Variants in TMEM132D observed in about 807,000 individuals in gnomAD.
TMEM132D encodes the protein transmembrane protein 132D, also known as mature OL transmembrane protein.
In TMEM132D, 21 loss-of-function variants were observed where a neutral mutation model predicts 62.3. The ratio of observed to expected loss-of-function variants is 0.34; its 90% CI spans 0.24 to 0.49. TMEM132D has a LOEUF of 0.49. TMEM132D is among the 20% of genes least tolerant of loss of function. The pLI, the probability that TMEM132D is intolerant of heterozygous loss-of-function variation, is 0.99. For missense variants in TMEM132D, 1,346 were observed against 1,402.8 expected (o/e 0.96, Z 0.65); for synonymous variants, 621 against 575.6 (o/e 1.08, Z -1.13).
chr12:129,268,990 A>T (rs757322233), intron 4 of TMEM132D, among the ~76,000 whole-genome samples: 248 of 123,650 alleles, frequency 2.0e-3, no homozygotes, highest in Non-Finnish European at 3.1e-3. Flanking sequence ...GGACATAGGA[A>T]GGGGAACATC....
intron 3 of TMEM132D, among the ~76,000 whole-genome samples, chr12:129,367,228 GATTT>G (rs1198693449): frequency 6.6e-6 from 1 of 151,770 alleles, no homozygotes; most frequent in Non-Finnish European, 1.5e-5. Flanking sequence ...TTGTTTGTGG[GATTT>G]ATTTACTTAT....
intron 1 of TMEM132D, among the ~76,000 whole-genome samples, chr12:129,715,155 A>G (rs1678966918): frequency 6.6e-6 from 1 of 152,234 alleles, no homozygotes; most frequent in Non-Finnish European, 1.5e-5. Flanking sequence ...TTCTAAGGGC[A>G]AAGTCATTTT....
At chr12:129,850,027 G>T (rs755052893) in intron 1 of TMEM132D, among the ~76,000 whole-genome samples, 3 of 152,174 alleles carry the variant, frequency 2.0e-5, no homozygotes, top group Non-Finnish European at 4.4e-5. Flanking sequence ...TTTGGTAAGA[G>T]CCTCCACTGA....
At chr12:129,134,326 A>G (rs1427229608) in intron 5 of TMEM132D, among the ~76,000 whole-genome samples, 1 of 151,930 alleles carries the variant, frequency 6.6e-6, no homozygotes, top group East Asian at 1.9e-4. Flanking sequence ...TTCTTTATCC[A>G]CTTTTGGATA....
intron 5 of TMEM132D, among the ~76,000 whole-genome samples, chr12:129,189,015 T>C (rs1275265142): frequency 2.6e-5 from 4 of 152,134 alleles, no homozygotes; most frequent in Non-Finnish European, 2.9e-5. Flanking sequence ...GAATTGATGC[T>C]ACTCACCCTT....
intron 5 of TMEM132D, among the ~76,000 whole-genome samples, chr12:129,200,938 C>T (rs1878688901): frequency 6.6e-6 from 1 of 152,236 alleles, no homozygotes; most frequent in African/African-American, 2.4e-5. Flanking sequence ...CAGTTTGCTG[C>T]ACTCACAGAA....
At chr12:129,202,903 T>C (rs1878746461) in intron 5 of TMEM132D, among the ~76,000 whole-genome samples, 1 of 152,156 alleles carries the variant, frequency 6.6e-6, no homozygotes, top group South Asian at 2.1e-4. Context: ...ACTAGGCACA[T>C]AGTAGTTGCT....
intron 1 of TMEM132D, among the ~76,000 whole-genome samples, chr12:129,733,731 G>A (rs1282404296): frequency 6.6e-6 from 1 of 152,122 alleles, no homozygotes; most frequent in East Asian, 1.9e-4. Flanking sequence ...GACAGGTCGG[G>A]AGGCTGTCAT....
intron 2 of TMEM132D, among the ~76,000 whole-genome samples, chr12:129,636,367 G>A (rs148000286): frequency 6.6e-6 from 1 of 152,234 alleles, no homozygotes; most frequent in Admixed American, 6.5e-5. Context: ...TACTAGAGTC[G>A]GGTTAGAATT....
rs79471672 is a variant in TMEM132D at position 129,461,813 on chromosome 12, C to G, written c.1115+69246G>C. ...AGCTAATTAGTAGATAGATAATCAG[C>G]AGGTACATAGATAGAGAAATAGCCA... On this transcript the variant is annotated intron_variant, in intron 3 of 8. Transcript: ENST00000422113. Among the ~76,000 whole-genome samples, 264 of 152,118 alleles carry G rather than the reference C, an allele frequency of 1.7e-3. 1 individual carries two copies. The highest frequency in any genetic ancestry group is 6.2e-3 in the African/African-American group (256 of 41,484).
chr12:129,722,247 A>G (rs2137245042), intron 1 of TMEM132D, among the ~76,000 whole-genome samples: 1 of 152,298 alleles, frequency 6.6e-6, no homozygotes, highest in Non-Finnish European at 1.5e-5. Context: ...GCAGACACAC[A>G]ATCTGTTGTC....
chr12:129,727,048 T>G (rs775939766), intron 1 of TMEM132D, among the ~76,000 whole-genome samples: 1 of 152,250 alleles, frequency 6.6e-6, no homozygotes, highest in Non-Finnish European at 1.5e-5. Flanking sequence ...AATTCCCAGA[T>G]GATTCTAAAG....
intron 6 of TMEM132D, among the ~76,000 whole-genome samples, chr12:129,082,248 T>G (rs1874479608): frequency 6.6e-6 from 1 of 152,152 alleles, no homozygotes; most frequent in South Asian, 2.1e-4. Flanking sequence ...GAGTTTAAAG[T>G]GTTCACAGTG....
At chr12:129,207,315 G>T (rs534257042) in intron 5 of TMEM132D, among the ~76,000 whole-genome samples, 1 of 151,936 alleles carries the variant, frequency 6.6e-6, no homozygotes, top group Non-Finnish European at 1.5e-5. Context: ...ATACAGCACC[G>T]CCCTCACAGA....
intron 2 of TMEM132D, among the ~76,000 whole-genome samples, chr12:129,600,050 C>A (rs756534236): frequency 2.6e-5 from 4 of 152,198 alleles, no homozygotes; most frequent in Non-Finnish European, 4.4e-5. Flanking sequence ...CTGTAGCATG[C>A]GATGCCATTT....
In TMEM132D at chr12:129,319,699, A is replaced by G. The variant is rs183394401; in HGVS notation, c.1299+17935T>C. 1.3e-3 allele frequency among the ~76,000 whole-genome samples: 202 copies of G among 152,338 alleles called. 2 individuals are homozygous for G. The highest frequency in any genetic ancestry group is 5.8e-3 in the South Asian group (28 of 4,814). ...GAAACAAAGAAAGGAGATTTAAAAA[A>G]GAGAAGCTCATGAGGTTGGAAGAAG... On this transcript the variant is annotated intron_variant, in intron 4 of 8. Transcript: ENST00000422113.
chr12:129,768,618 A>C (rs1374146742), intron 1 of TMEM132D, among the ~76,000 whole-genome samples: 1 of 152,074 alleles, frequency 6.6e-6, no homozygotes, highest in Non-Finnish European at 1.5e-5. Context: ...ATACATCATC[A>C]GTTCAAGACC....
intron 2 of TMEM132D, among the ~76,000 whole-genome samples, chr12:129,564,679 T>C (rs1877320454): frequency 6.6e-6 from 1 of 152,242 alleles, no homozygotes; most frequent in African/African-American, 2.4e-5. Flanking sequence ...TCAGGGATTC[T>C]CAATGAAATA....
At chr12:129,849,597 G>A (rs950668756) in intron 1 of TMEM132D, among the ~76,000 whole-genome samples, 7 of 152,092 alleles carry the variant, frequency 4.6e-5, no homozygotes, top group Non-Finnish European at 7.3e-5. Flanking sequence ...GAAAAGTTTT[G>A]GCTTCATCAT....
Sources: allele counts gnomAD v4.1 joint callset (sites outside exome capture counted in the v4.1 genomes callset), GRCh38; gene constraint gnomAD v4.1.1; transcripts MANE v1.5; gene names NCBI Gene and HGNC (gene_info 2026-07-23, HGNC 2026-07-21).